The following EIF2AK4 variants were observed in gnomAD, a reference collection of about 807,000 sequenced individuals.
EIF2AK4 encodes the protein eIF-2-alpha kinase GCN2.
Under a neutral mutation model 211.1 loss-of-function variants are expected in EIF2AK4, and 139 were observed. The observed-to-expected ratio is 0.66, with a 90% CI of 0.57 to 0.76. The LOEUF (loss-of-function observed/expected upper bound fraction) is 0.76. EIF2AK4 is among the 30% of genes least tolerant of loss of function. EIF2AK4 has a pLI of 0.00. For missense variants in EIF2AK4, 1,664 were observed against 2,043.8 expected, an observed-to-expected ratio of 0.81 and a Z score of 3.58; for synonymous variants, 710 against 751.3, an observed-to-expected ratio of 0.94 and a Z score of 0.90.
chr15:39,965,907 C>T (rs2034538045), intron 8 of EIF2AK4, 64 bp downstream of exon 8: 1 of 1,581,802 alleles, frequency 6.3e-7, no homozygotes, highest in Non-Finnish European at 8.6e-7. Flanking sequence ...GATGACAGAA[C>T]AAAATAGCCC....
At chr15:40,006,917 G>A in intron 23 of EIF2AK4, 99 bp from the exon 24 acceptor site, 1 of 869,558 alleles carries the variant, frequency 1.2e-6, no homozygotes, top group Non-Finnish European at 1.8e-6. Flanking sequence ...ATACTTTAAA[G>A]GGGTGAACTT....
chr15:40,008,667 T>G (rs2035195026), intron 25 of EIF2AK4, among the ~76,000 whole-genome samples: 1 of 152,180 alleles, frequency 6.6e-6, no homozygotes, highest in African/African-American at 2.4e-5. Context: ...TTCCCTTGTC[T>G]AGAAAGTCTT....
chr15:40,003,244 A>T lies in EIF2AK4; in HGVS notation c.3287A>T (p.Tyr1096Phe). The T allele has an allele frequency of 6.2e-7, 1 of 1,614,216 alleles. No individual in the cohort carries two copies. Among genetic ancestry groups the T allele is most frequent in the Non-Finnish European group, 8.5e-7 (1 of 1,180,028 alleles). Residue 1096 changes from tyrosine to phenylalanine, a missense_variant, in exon 23 of 39, where the codon TAT becomes TTT. Around this residue, in one of 7 missense-constraint regions of EIF2AK4, gnomAD observed 622 missense variants for 796.8 expected, o/e 0.78. Transcript: ENST00000263791. The part of the protein sequence containing the change: ...PLLLPRNRQI[Y>F]EHNEAALFMD... ...CTGCTTCCCCGAAACAGACAAATAT[A>T]TGAGCACAACGAAGCTGCCCTATTC...
chr15:40,013,554 T>C (rs1319329465), intron 27 of EIF2AK4, among the ~76,000 whole-genome samples: 3 of 152,126 alleles, frequency 2.0e-5, no homozygotes, highest in Non-Finnish European at 4.4e-5. Context: ...GAGGAGCAAG[T>C]CACATCTTAT....
chr15:39,989,510 G>A (rs1053481523), intron 15 of EIF2AK4, among the ~76,000 whole-genome samples: 1 of 152,172 alleles, frequency 6.6e-6, no homozygotes, highest in Non-Finnish European at 1.5e-5. Context: ...AATGCCCCCT[G>A]TGCTCTATTC....
rs140171965 is a variant in EIF2AK4 at position 39,961,229 on chromosome 15, C to T, written c.744-555C>T. On this transcript the variant is annotated intron_variant, in intron 6 of 38. Coordinates refer to ENST00000263791, the MANE Select transcript of EIF2AK4 (RefSeq NM_001013703.4). ...AAGAGAAGGAATGTGCACTCAATGG[C>T]TGGAGGCCCAGTTGGAAACCAGGAA... Among the ~76,000 whole-genome samples, 74 of 152,358 alleles carry T rather than the reference C, an allele frequency of 4.9e-4. 1 individual carries two copies. In the East Asian group the frequency reaches 0.014, roughly 29 times the overall value.
At chr15:39,969,754 A>G (rs970429685) in intron 9 of EIF2AK4, among the ~76,000 whole-genome samples, 3 of 152,194 alleles carry the variant, frequency 2.0e-5, no homozygotes, top group Non-Finnish European at 4.4e-5. Flanking sequence ...AGGAGCTGCC[A>G]AGAACTGTTT....
intron 5 of EIF2AK4, 76 bp downstream of exon 5, chr15:39,954,060 G>A: frequency 9.5e-6 from 11 of 1,157,418 alleles, no homozygotes; most frequent in Non-Finnish European, 1.2e-5. Flanking sequence ...TGACATCTGT[G>A]TTACTATCAG....
chr15:39,999,380 G>A (rs2035063167), intron 20 of EIF2AK4, among the ~76,000 whole-genome samples: 1 of 152,128 alleles, frequency 6.6e-6, no homozygotes, highest in African/African-American at 2.4e-5. Context: ...TTTCTTCTGA[G>A]TGCCAGTTGT....
chr15:39,935,603 T>C (rs2140893712), intron 1 of EIF2AK4, among the ~76,000 whole-genome samples: 1 of 152,312 alleles, frequency 6.6e-6, no homozygotes, highest in South Asian at 2.1e-4. Flanking sequence ...AGTGCTGGGA[T>C]TACAGGTGTG....
At chr15:39,995,220 A>G (rs2035003236) in intron 18 of EIF2AK4, among the ~76,000 whole-genome samples, 1 of 152,114 alleles carries the variant, frequency 6.6e-6, no homozygotes, top group Non-Finnish European at 1.5e-5. Context: ...TGGTGGGATC[A>G]TGAGATTGCT....
At position 40,005,894 on chromosome 15, in the gene EIF2AK4, G is replaced by GAT. The variant is rs565634665; in HGVS notation, c.3358-1113_3358-1112dup. On this transcript the variant is annotated intron_variant, in intron 23 of 38. Transcript: ENST00000263791. ...CCTGCATACACTTGATATATGTGTA[G>GAT]ATATATATATTTGGCCCTCTACATC... Among the ~76,000 whole-genome samples, 216 of 151,686 alleles carry GAT rather than the reference G, an allele frequency of 1.4e-3. 2 individuals are homozygous for GAT. Among genetic ancestry groups the GAT allele is most frequent in the Admixed American group, 0.013 (191 of 15,244 alleles).
chr15:39,991,015 A>G (rs1162668008), intron 16 of EIF2AK4, among the ~76,000 whole-genome samples: 1 of 152,240 alleles, frequency 6.6e-6, no homozygotes. Context: ...TTGAGGAGTC[A>G]CTGGAAGGTT....
At chr15:39,971,342 G>A (rs2034621917) in intron 9 of EIF2AK4, among the ~76,000 whole-genome samples, 1 of 152,088 alleles carries the variant, frequency 6.6e-6, no homozygotes, top group East Asian at 1.9e-4. Flanking sequence ...TGGCCAACAT[G>A]GCAAAACCCC....
At chr15:39,981,779 A>G (rs2034791568) in intron 13 of EIF2AK4, among the ~76,000 whole-genome samples, 2 of 152,216 alleles carry the variant, frequency 1.3e-5, no homozygotes, top group South Asian at 4.1e-4. Flanking sequence ...AGTATCATGT[A>G]TGAGAAAGAA....
intron 29 of EIF2AK4, among the ~76,000 whole-genome samples, chr15:40,017,551 A>ATATATATATATATATATG (rs71132134): frequency 1.7e-4 from 15 of 86,994 alleles, no homozygotes; most frequent in South Asian, 3.6e-4. Context: ...ATATATATAT[A>ATATATATATATATATATG]TATGTATTTT....
intron 2 of EIF2AK4, among the ~76,000 whole-genome samples, chr15:39,942,879 G>C (rs1401168123): frequency 6.6e-6 from 1 of 152,210 alleles, no homozygotes; most frequent in Non-Finnish European, 1.5e-5. Flanking sequence ...CTTTATGCTA[G>C]AGCACACCTG....
chr15:40,007,449 CT>C (rs1290733559), intron 24 of EIF2AK4, among the ~76,000 whole-genome samples: 4 of 152,190 alleles, frequency 2.6e-5, no homozygotes, highest in Non-Finnish European at 4.4e-5. Context: ...TATGTGAAAA[CT>C]GCCTACACAG....
intron 32 of EIF2AK4, among the ~76,000 whole-genome samples, chr15:40,025,281 G>A (rs1289100432): frequency 6.6e-6 from 1 of 152,164 alleles, no homozygotes; most frequent in Non-Finnish European, 1.5e-5. Context: ...CAAGGAATCT[G>A]GTTTTTTTAT....
Sources: gnomAD v4.1 joint callset for allele counts (sites outside exome capture counted in the v4.1 genomes callset) on GRCh38, gnomAD v4.1.1 for gene constraint, gnomAD v4.1.1 regional missense constraint, MANE v1.5 for transcripts, NCBI Gene and HGNC (gene_info 2026-07-23, HGNC 2026-07-21) for gene names.